Variants in ZSCAN25 observed in about 807,000 individuals in gnomAD.
ZSCAN25 encodes the protein zinc finger and SCAN domain containing 25, also known as zinc finger and SCAN domain-containing protein 25.
A neutral mutation model predicts 38.7 loss-of-function variants in ZSCAN25; 27 were observed. That is an observed-to-expected ratio of 0.70 (90% confidence interval 0.51 to 0.96). ZSCAN25 has a LOEUF of 0.96. Among genes scored for constraint, ZSCAN25 ranks in the 40% least tolerant of loss-of-function variants. The pLI is 0.00. For synonymous variants in ZSCAN25, 273 were observed against 277.7 expected (o/e 0.98, Z 0.17); for missense variants, 637 against 705.9 (o/e 0.90, Z 1.11).
the ZSCAN25 span, among the ~76,000 whole-genome samples, chr7:99,674,888 A>G: frequency 6.6e-5 from 10 of 152,304 alleles, no homozygotes; most frequent in East Asian, 1.9e-4. Context: ...TATTCTCTCT[A>G]AAGTCTCCTA....
chr7:99,617,105 G>T (rs1396754461), intron 1 of ZSCAN25, 89 bp downstream of exon 1: 2 of 152,196 alleles, frequency 1.3e-5, no homozygotes, highest in Non-Finnish European at 2.9e-5. Flanking sequence ...GGGGCTCGGC[G>T]GCAGCGGGGT....
the ZSCAN25 span, chr7:99,707,784 A>C: frequency 6.2e-7 from 1 of 1,612,990 alleles, no homozygotes; most frequent in African/African-American, 1.3e-5. Context: ...TGTTAATAAA[A>C]CATTATTAAT....
chr7:99,647,267 C>T, the ZSCAN25 span, among the ~76,000 whole-genome samples: 1 of 152,216 alleles, frequency 6.6e-6, no homozygotes, highest in African/African-American at 2.4e-5. Context: ...CATGTGGATG[C>T]CTTCCCCAGC....
At chr7:99,686,999 C>A in the ZSCAN25 span, among the ~76,000 whole-genome samples, 1 of 152,196 alleles carries the variant, frequency 6.6e-6, no homozygotes, top group Non-Finnish European at 1.5e-5. Flanking sequence ...ACAGAAAGGA[C>A]ATCCACACCA....
the ZSCAN25 span, chr7:99,648,178 C>G: frequency 7.0e-7 from 1 of 1,420,714 alleles, no homozygotes; most frequent in Non-Finnish European, 9.2e-7. Flanking sequence ...TACAAAATCA[C>G]CAACTACTCA....
the ZSCAN25 span, chr7:99,670,901 G>A: frequency 6.6e-6 from 1 of 152,090 alleles, no homozygotes; most frequent in Non-Finnish European, 1.5e-5. Context: ...CTAGTTTTAT[G>A]TTGTTCTCTT....
rs1372847943 is a variant in ZSCAN25 at position 99,622,598 on chromosome 7, A to T, written c.639A>T (p.Arg213Ser). ...AGPGLPAVNP[R>S]DQEMAAGFFT... is the part of the protein sequence containing the mutation. ...CTGGCCTCCCCGCAGTGAATCCCAGAGACCAAGAGATGGCAGCTGGGTTCT... is the reference window on the plus strand; with the variant it reads ...CTGGCCTCCCCGCAGTGAATCCCAGTGACCAAGAGATGGCAGCTGGGTTCT... The change falls in exon 6 of 8, where the codon AGA becomes AGT. Residue 213 changes from arginine to serine, a missense_variant. Coordinates refer to ENST00000394152, the MANE Select transcript of ZSCAN25 (RefSeq NM_145115.3). 6.2e-7 allele frequency: 1 copy of T among 1,614,188 alleles called. No individual in the cohort carries two copies. The highest frequency in any genetic ancestry group is 8.5e-7 in the Non-Finnish European group (1 of 1,180,030).
At chr7:99,638,804 C>T in the ZSCAN25 span, 6 of 800,280 alleles carry the variant, frequency 7.5e-6, no homozygotes, top group East Asian at 1.5e-4. Flanking sequence ...TTCAGGTGTC[C>T]TGGGTCCCCT....
chr7:99,623,224 T>C (rs1807152460), intron 6 of ZSCAN25, among the ~76,000 whole-genome samples: 1 of 152,160 alleles, frequency 6.6e-6, no homozygotes. Flanking sequence ...GCTGCTGATT[T>C]TTCTGTTTTG....
the ZSCAN25 span, chr7:99,672,702 A>G: frequency 6.2e-7 from 1 of 1,612,988 alleles, no homozygotes; most frequent in African/African-American, 1.3e-5. Flanking sequence ...AACGGAGCTG[A>G]TTAAACTTCA....
At chr7:99,673,070 C>T in the ZSCAN25 span, 6 of 221,074 alleles carry the variant, frequency 2.7e-5, no homozygotes, top group Non-Finnish European at 4.7e-5. Context: ...AATATTAGGT[C>T]AGTGAAAAAT....
chr7:99,626,532 TTG>T (rs1398836239), intron 7 of ZSCAN25, among the ~76,000 whole-genome samples: 3 of 152,002 alleles, frequency 2.0e-5, no homozygotes, highest in African/African-American at 4.8e-5. Context: ...GGGCCACAGA[TTG>T]GCCAGAGGGG....
chr7:99,658,197 C>T, the ZSCAN25 span, among the ~76,000 whole-genome samples: 2 of 152,254 alleles, frequency 1.3e-5, no homozygotes, highest in East Asian at 3.9e-4. Context: ...TACAATTTGG[C>T]ATGTTTTTGC....
At chr7:99,715,316 C>A in the ZSCAN25 span, 2 of 184,404 alleles carry the variant, frequency 1.1e-5, no homozygotes, top group Non-Finnish European at 2.3e-5. Context: ...AGGAAAAAAA[C>A]CCACAAATCA....
At chr7:99,722,458 T>A in the ZSCAN25 span, 1 of 1,355,076 alleles carries the variant, frequency 7.4e-7, no homozygotes, top group South Asian at 1.3e-5. Flanking sequence ...TTGCTGGCAG[T>A]TAGAGGAAGC....
intron 7 of ZSCAN25, among the ~76,000 whole-genome samples, chr7:99,624,677 C>T (rs918825817): frequency 2.0e-5 from 3 of 152,126 alleles, no homozygotes; most frequent in Admixed American, 2.0e-4. Flanking sequence ...TGGAGTGGCC[C>T]GAGTCACAGA....
At chr7:99,658,898 T>A in the ZSCAN25 span, 6 of 152,272 alleles carry the variant, frequency 3.9e-5, no homozygotes, top group African/African-American at 1.4e-4. Context: ...TGTGCATTCA[T>A]CACGTAGTTC....
the ZSCAN25 span, chr7:99,714,505 A>G: frequency 6.2e-7 from 1 of 1,605,828 alleles, no homozygotes; most frequent in Non-Finnish European, 8.5e-7. Flanking sequence ...GTATATTTCT[A>G]AAAAATTATG....
At chr7:99,665,391 A>G in the ZSCAN25 span, 12 of 1,557,970 alleles carry the variant, frequency 7.7e-6, no homozygotes, top group Non-Finnish European at 9.7e-6. Context: ...CAAGAAACCC[A>G]CATATCCAGT....
Sources: allele counts gnomAD v4.1 joint callset (sites outside exome capture counted in the v4.1 genomes callset), GRCh38; gene constraint gnomAD v4.1.1; transcripts MANE v1.5; gene names NCBI Gene and HGNC (gene_info 2026-07-23, HGNC 2026-07-21).